The following ANKRD7 variants were observed in gnomAD, a reference collection of about 807,000 sequenced individuals.
ANKRD7 encodes ankyrin repeat domain-containing protein 7.
A neutral mutation model predicts 30.8 loss-of-function variants in ANKRD7; 30 were observed. The ratio of observed to expected loss-of-function variants is 0.97; its 90% confidence interval spans 0.73 to 1.32. The LOEUF (loss-of-function observed/expected upper bound fraction) is 1.32, where lower values mean the gene tolerates loss of function less well. Among genes scored for constraint, ANKRD7 ranks in the 40% most tolerant of loss-of-function variants. ANKRD7 has a pLI of 0.00. For missense variants in ANKRD7, 264 were observed against 295.7 expected (o/e 0.89, Z 0.79); for synonymous variants, 97 against 106.6 (o/e 0.91, Z 0.55).
At chr7:118,225,616 A>G (rs1394943891) in intron 1 of ANKRD7, among the ~76,000 whole-genome samples, 2 of 152,158 alleles carry the variant, frequency 1.3e-5, no homozygotes, top group African/African-American at 4.8e-5. Flanking sequence ...TCTTGGTAAT[A>G]GATCGTCCCC....
At chr7:118,236,239 T>TGTGTCC in intron 4 of ANKRD7, 92 bp downstream of exon 4, 1 of 718,434 alleles carries the variant, frequency 1.4e-6, no homozygotes. Context: ...TGTGTGTGTG[T>TGTGTCC]CCACAAAACA....
intron 4 of ANKRD7, 53 bp downstream of exon 4, chr7:118,236,200 G>T (rs1345446626): frequency 9.6e-7 from 1 of 1,040,682 alleles, no homozygotes; most frequent in Admixed American, 2.0e-5. Flanking sequence ...ATAGGATTGT[G>T]TGTGTGCGTA....
intron 1 of ANKRD7, among the ~76,000 whole-genome samples, chr7:118,230,533 C>G (rs1367011344): frequency 6.6e-6 from 1 of 151,706 alleles, no homozygotes; most frequent in East Asian, 1.9e-4. Context: ...TATAAATTGA[C>G]TAGTCAAAAT....
intron 1 of ANKRD7, among the ~76,000 whole-genome samples, chr7:118,228,590 C>T (rs2115997571): frequency 6.6e-6 from 1 of 152,266 alleles, no homozygotes; most frequent in African/African-American, 2.4e-5. Context: ...CTCAAACATT[C>T]CCAAACTAAG....
chr7:118,229,290 C>CT (rs1809594163), intron 1 of ANKRD7, among the ~76,000 whole-genome samples: 1 of 152,106 alleles, frequency 6.6e-6, no homozygotes, highest in Non-Finnish European at 1.5e-5. Flanking sequence ...CAGTTGTACC[C>CT]TTTCTCCTCA....
chr7:118,240,585 G>A (rs913264487), intron 6 of ANKRD7, among the ~76,000 whole-genome samples: 3 of 152,056 alleles, frequency 2.0e-5, no homozygotes, highest in Admixed American at 6.5e-5. Flanking sequence ...AAGATGTAAT[G>A]TAAAAATATG....
chr7:118,238,530 T>C (rs1441540803), intron 5 of ANKRD7, among the ~76,000 whole-genome samples: 1 of 152,216 alleles, frequency 6.6e-6, no homozygotes, highest in Admixed American at 6.5e-5. Context: ...GTAACGTACT[T>C]AAGAATGTGC....
chr7:118,225,059 G>A, intron 1 of ANKRD7, 50 bp downstream of exon 1: 3 of 1,592,974 alleles, frequency 1.9e-6, no homozygotes, highest in African/African-American at 1.4e-5. Flanking sequence ...GGCCTGGGTC[G>A]TTCAACCAGA....
chr7:118,238,026 A>G (rs1456622443), intron 5 of ANKRD7, among the ~76,000 whole-genome samples: 2 of 152,178 alleles, frequency 1.3e-5, no homozygotes, highest in East Asian at 1.9e-4. Flanking sequence ...GTATCTGTTT[A>G]GTAATGTATC....
In ANKRD7 at chr7:118,239,268, C is replaced by T. The variant is rs529058275; in HGVS notation, c.713-641C>T. Among the ~76,000 whole-genome samples the T allele has an allele frequency of 5.3e-5, 8 of 152,254 alleles. No homozygotes were observed. The South Asian group carries it at 1.7e-3, about 32-fold the overall frequency. ...TTGGGTTCTCATAGGAGCACAAACC[C>T]TCTTGTGAACCGCTTTGCAAAGGAT... On this transcript the variant is annotated intron_variant, in intron 5 of 6. Coordinates refer to ENST00000265224, the MANE Select transcript of ANKRD7 (RefSeq NM_019644.4).
rs371655154 is a variant in ANKRD7, at chr7:118,240,296, G to C, written c.*37+298G>C. 4.4e-4 allele frequency among the ~76,000 whole-genome samples: 67 copies of C among 152,110 alleles called. No individual in the cohort carries two copies. In the East Asian group the frequency reaches 9.5e-3, roughly 22 times the overall value. ...CATCTAGCATTAGGTATATCTCCCA[G>C]TGCTATCCTTCCCCCCTCCCCCCAC... On this transcript the variant is annotated intron_variant, in intron 6 of 6. Transcript: ENST00000265224.
chr7:118,239,733 G>A (rs1275079950), intron 5 of ANKRD7, 176 bp from the exon 6 acceptor site: 4 of 368,340 alleles, frequency 1.1e-5, no homozygotes, highest in Non-Finnish European at 1.5e-5. Context: ...GAGAATGGGA[G>A]TACATGAAAT....
At position 118,241,160 on chromosome 7, in the gene ANKRD7, C is replaced by CAAA. The variant is rs60703234; in HGVS notation, c.*38-1165_*38-1163dup. ...TGGGCGACAGAGCGAGACTCCGTCTCAAAAAAAAAAAAAAAAAAAAAAAAA... is the reference window on the plus strand; with the variant it reads ...TGGGCGACAGAGCGAGACTCCGTCTCAAAAAAAAAAAAAAAAAAAAAAAAAAAA... On this transcript the variant is annotated intron_variant, in intron 6 of 6. Transcript: ENST00000265224. 5.9e-3 allele frequency among the ~76,000 whole-genome samples: 128 copies of CAAA among 21,826 alleles called. 6 individuals carry two copies. Among genetic ancestry groups the CAAA allele is most frequent in the Admixed American group, 0.011 (27 of 2,528 alleles). The allele number at this position is 21,826 out of a possible 152,430, so 14.3% of individuals were successfully genotyped here. A position where few individuals can be genotyped will look rare whatever the true frequency, so the allele number is the denominator to read the frequency against.
intron 1 of ANKRD7, among the ~76,000 whole-genome samples, chr7:118,226,499 C>T (rs966080527): frequency 6.6e-6 from 1 of 152,048 alleles, no homozygotes; most frequent in Non-Finnish European, 1.5e-5. Context: ...ATGTGTTATC[C>T]ACTATATTCT....
At chr7:118,235,565 T>C (rs1215917641) in intron 3 of ANKRD7, among the ~76,000 whole-genome samples, 2 of 149,278 alleles carry the variant, frequency 1.3e-5, no homozygotes, top group Middle Eastern at 3.5e-3. Context: ...TGAGCCAAGA[T>C]TGCGCCACTG....
At chr7:118,227,228 C>T (rs1319484493) in intron 1 of ANKRD7, among the ~76,000 whole-genome samples, 1 of 152,000 alleles carries the variant, frequency 6.6e-6, no homozygotes, top group Non-Finnish European at 1.5e-5. Flanking sequence ...AATTGAAGTT[C>T]AATAGCATAT....
chr7:118,229,142 A>C (rs1330722466), intron 1 of ANKRD7, among the ~76,000 whole-genome samples: 1 of 152,082 alleles, frequency 6.6e-6, no homozygotes, highest in Non-Finnish European at 1.5e-5. Flanking sequence ...ACATGCATTT[A>C]GGGTTTTTGG....
intron 1 of ANKRD7, among the ~76,000 whole-genome samples, chr7:118,230,366 C>T (rs1356935403): frequency 6.6e-6 from 1 of 151,652 alleles, no homozygotes; most frequent in Non-Finnish European, 1.5e-5. Context: ...GTAATGAGTT[C>T]AGCAGAAGCA....
At chr7:118,233,542 T>C (rs944620767) in intron 1 of ANKRD7, among the ~76,000 whole-genome samples, 9 of 152,140 alleles carry the variant, frequency 5.9e-5, no homozygotes, top group Admixed American at 4.6e-4. Context: ...AAAATTGCCT[T>C]ATTTTTAAGT....
Sources: allele counts gnomAD v4.1 joint callset (sites outside exome capture counted in the v4.1 genomes callset), GRCh38; gene constraint gnomAD v4.1.1; transcripts MANE v1.5; gene names NCBI Gene and HGNC (gene_info 2026-07-23, HGNC 2026-07-21).